The following CCPG1 variants were observed in gnomAD, a reference collection of about 807,000 sequenced individuals.
CCPG1 encodes cell cycle progression protein 1.
A neutral mutation model predicts 81.3 loss-of-function variants in CCPG1; 46 were observed. That is an observed-to-expected ratio of 0.57 (90% confidence interval 0.45 to 0.72). CCPG1 has a LOEUF of 0.72. CCPG1 is among the 30% of genes least tolerant of loss of function. CCPG1 has a pLI of 0.00. For missense variants in CCPG1, 902 were observed against 937.6 expected (o/e 0.96, Z 0.50); for synonymous variants, 330 against 305.2 (o/e 1.08, Z -0.85).
chr15:55,404,463 A>C (rs547064115), intron 1 of CCPG1, among the ~76,000 whole-genome samples: 1 of 152,334 alleles, frequency 6.6e-6, no homozygotes, highest in South Asian at 2.1e-4. Context: ...CAACATAACC[A>C]TAACAAAAAA....
At chr15:55,390,217 C>CA (rs2056886906) in intron 1 of CCPG1, among the ~76,000 whole-genome samples, 1 of 152,104 alleles carries the variant, frequency 6.6e-6, no homozygotes, top group East Asian at 1.9e-4. Context: ...CCACTGCGCC[C>CA]GGCAATCAAA....
At chr15:55,405,643 G>A (rs144156044) in intron 1 of CCPG1, among the ~76,000 whole-genome samples, 23 of 152,306 alleles carry the variant, frequency 1.5e-4, no homozygotes, top group African/African-American at 5.3e-4. Context: ...GGAGGCTGCA[G>A]TAAGTCGTGT....
At chr15:55,359,327 T>C (rs1256130799) in intron 8 of CCPG1, 1 of 1,260,114 alleles carries the variant, frequency 7.9e-7, no homozygotes, top group East Asian at 3.1e-5. Context: ...TTTGCTCAAG[T>C]CAAAGTGATC....
At chr15:55,371,197 C>T (rs548297169) in intron 6 of CCPG1, among the ~76,000 whole-genome samples, 2 of 152,088 alleles carry the variant, frequency 1.3e-5, no homozygotes, top group Non-Finnish European at 1.5e-5. Flanking sequence ...CTCTTCTCAC[C>T]CAAAAGGCAT....
At chr15:55,385,261 G>T (rs1018693623) in intron 3 of CCPG1, among the ~76,000 whole-genome samples, 1 of 152,152 alleles carries the variant, frequency 6.6e-6, no homozygotes, top group African/African-American at 2.4e-5. Flanking sequence ...CGCCTCCCAG[G>T]TTCAAGCGAT....
chr15:55,405,311 G>A (rs1243074913), intron 1 of CCPG1, among the ~76,000 whole-genome samples: 1 of 152,064 alleles, frequency 6.6e-6, no homozygotes, highest in Non-Finnish European at 1.5e-5. Context: ...GTGGTGAGCT[G>A]AGATCTTGCC....
chr15:55,357,159 T>C (rs912448548), intron 8 of CCPG1: 1 of 953,812 alleles, frequency 1.0e-6, no homozygotes, highest in Non-Finnish European at 1.2e-6. Context: ...TGTCAGTAGT[T>C]ACCTCCAAAC....
intron 1 of CCPG1, among the ~76,000 whole-genome samples, chr15:55,395,181 C>T (rs2056992988): frequency 6.6e-6 from 1 of 152,068 alleles, no homozygotes; most frequent in Admixed American, 6.6e-5. Context: ...AAAAAGATTT[C>T]CCGCTGGCCC....
chr15:55,364,888 C>A (rs952518114), intron 7 of CCPG1, among the ~76,000 whole-genome samples: 1 of 152,124 alleles, frequency 6.6e-6, no homozygotes, highest in Non-Finnish European at 1.5e-5. Flanking sequence ...AATAAACAAA[C>A]AAACAAAAAC....
intron 6 of CCPG1, among the ~76,000 whole-genome samples, chr15:55,369,404 G>A (rs2056401645): frequency 6.6e-6 from 1 of 152,026 alleles, no homozygotes; most frequent in Admixed American, 6.6e-5. Flanking sequence ...ACATGGTGGT[G>A]CATGCCTGTA....
At position 55,361,686 on chromosome 15, in the gene CCPG1, C is replaced by T. The variant is rs1213237251; in HGVS notation, c.829-742G>A. ...GCACCACTGCACTCCAGCCTGGCGA[C>T]AGAGCGAGACTCTGTCTCAAAAAAA... On this transcript the variant is annotated intron_variant, in intron 7 of 8. Transcript: ENST00000442196. Among the ~76,000 whole-genome samples, 3 of 149,930 alleles carry T rather than the reference C, an allele frequency of 2.0e-5. No homozygotes were observed. The East Asian group carries it at 5.9e-4, about 30-fold the overall frequency.
At chr15:55,363,799 CTTTTTTTT>C (rs565044184) in intron 7 of CCPG1, among the ~76,000 whole-genome samples, 3 of 93,942 alleles carry the variant, frequency 3.2e-5, no homozygotes, top group African/African-American at 4.5e-5. Context: ...TTTCCTTTTC[CTTTTTTTT>C]TTTTTTTTTT....
At chr15:55,377,426 C>T (rs2056589541) in intron 4 of CCPG1, among the ~76,000 whole-genome samples, 1 of 152,108 alleles carries the variant, frequency 6.6e-6, no homozygotes, top group African/African-American at 2.4e-5. Flanking sequence ...TCAATAACCA[C>T]AGAAAAAAGA....
At chr15:55,382,629 C>G (rs2056723422) in intron 3 of CCPG1, among the ~76,000 whole-genome samples, 1 of 151,880 alleles carries the variant, frequency 6.6e-6, no homozygotes, top group Admixed American at 6.6e-5. Flanking sequence ...CCTGCCTCAG[C>G]CTCCCGAGTA....
intron 1 of CCPG1, among the ~76,000 whole-genome samples, chr15:55,390,112 C>T (rs559750269): frequency 4.6e-5 from 7 of 152,212 alleles, no homozygotes; most frequent in East Asian, 1.9e-4. Flanking sequence ...TTAGTAGAGA[C>T]GGGGTTTCAC....
intron 8 of CCPG1, chr15:55,359,104 T>C (rs1348361149): frequency 1.0e-6 from 1 of 983,696 alleles, no homozygotes; most frequent in Non-Finnish European, 1.2e-6. Context: ...AGGTGGGACA[T>C]TAGAATTATT....
chr15:55,384,562 G>A (rs1354931798), intron 3 of CCPG1, among the ~76,000 whole-genome samples: 1 of 152,132 alleles, frequency 6.6e-6, no homozygotes, highest in East Asian at 1.9e-4. Context: ...GGCTGAGGCA[G>A]GAGGATAACT....
chr15:55,391,389 T>A (rs2056911058), intron 1 of CCPG1, among the ~76,000 whole-genome samples: 1 of 152,254 alleles, frequency 6.6e-6, no homozygotes, highest in East Asian at 1.9e-4. Flanking sequence ...GCGCTGGGAT[T>A]ACAGGCGTGA....
At chr15:55,378,885 T>C (rs940153346) in intron 3 of CCPG1, among the ~76,000 whole-genome samples, 2 of 152,046 alleles carry the variant, frequency 1.3e-5, no homozygotes, top group South Asian at 2.1e-4. Context: ...GTATGAGCCA[T>C]CGTGCCCAGC....
Sources: gnomAD v4.1 joint callset for allele counts (sites outside exome capture counted in the v4.1 genomes callset) on GRCh38, gnomAD v4.1.1 for gene constraint, MANE v1.5 for transcripts, NCBI Gene and HGNC (gene_info 2026-07-23, HGNC 2026-07-21) for gene names.